The following CYTH3 variants were observed in gnomAD, a reference collection of about 807,000 sequenced individuals.
CYTH3 encodes the protein cytohesin 3, also known as cytohesin-3.
Under a neutral mutation model 55.1 loss-of-function variants are expected in CYTH3, and 23 were observed. That is an observed-to-expected ratio of 0.42 (90% CI 0.30 to 0.59). CYTH3 has a LOEUF of 0.59. CYTH3 is among the 20% of genes least tolerant of loss of function. The pLI, the probability that CYTH3 is intolerant of heterozygous loss-of-function variation, is 0.20. For missense variants in CYTH3, 413 were observed against 524.8 expected (o/e 0.79, Z 2.08); for synonymous variants, 249 against 194.9 (o/e 1.28, Z -2.31).
intron 1 of CYTH3, among the ~76,000 whole-genome samples, chr7:6,211,157 C>T (rs757937115): frequency 6.6e-6 from 1 of 152,204 alleles, no homozygotes; most frequent in Non-Finnish European, 1.5e-5. Flanking sequence ...GGCACCATCC[C>T]CTCCTGTGAA....
intron 9 of CYTH3, among the ~76,000 whole-genome samples, chr7:6,168,260 C>T (rs142660731): frequency 1.2e-4 from 18 of 145,166 alleles, no homozygotes; most frequent in African/African-American, 4.1e-4. Flanking sequence ...ATTCAAGACT[C>T]GAAGTCTTAA....
intron 1 of CYTH3, among the ~76,000 whole-genome samples, chr7:6,259,750 ATATATATTATAT>A (rs1168623226): frequency 8.4e-5 from 1 of 11,866 alleles, no homozygotes; most frequent in Non-Finnish European, 1.7e-4. Flanking sequence ...TATAATATAT[ATATATATTATAT>A]ATATATATAT....
intron 1 of CYTH3, among the ~76,000 whole-genome samples, chr7:6,193,929 C>T (rs1236520173): frequency 6.6e-6 from 1 of 152,146 alleles, no homozygotes; most frequent in Admixed American, 6.5e-5. Context: ...TCCTCTCCCA[C>T]CACCCTGGAC....
intron 1 of CYTH3, among the ~76,000 whole-genome samples, chr7:6,251,144 G>A (rs1046159553): frequency 3.9e-5 from 6 of 152,254 alleles, no homozygotes; most frequent in East Asian, 1.9e-4. Flanking sequence ...ACGTGGTGGC[G>A]GGCGCCTGTA....
At chr7:6,213,114 C>T (rs1341871786) in intron 1 of CYTH3, among the ~76,000 whole-genome samples, 1 of 152,184 alleles carries the variant, frequency 6.6e-6, no homozygotes, top group Non-Finnish European at 1.5e-5. Context: ...CAGGGTTCTT[C>T]CTTGTCTGGT....
At chr7:6,251,062 G>C (rs1413805623) in intron 1 of CYTH3, among the ~76,000 whole-genome samples, 1 of 152,170 alleles carries the variant, frequency 6.6e-6, no homozygotes, top group Non-Finnish European at 1.5e-5. Context: ...GTGGACTGAG[G>C]TCAGGAGTTC....
At chr7:6,206,209 C>G (rs750399335) in intron 1 of CYTH3, among the ~76,000 whole-genome samples, 1 of 152,060 alleles carries the variant, frequency 6.6e-6, no homozygotes, top group Non-Finnish European at 1.5e-5. Context: ...CCTAAATGTC[C>G]ATCAACAGAT....
chr7:6,259,799 AT>A lies in CYTH3; in HGVS notation c.34+12674del, dbSNP rs1414137738. On this transcript the variant is annotated intron_variant, in intron 1 of 12. Transcript: ENST00000350796. Reference sequence around the variant, plus strand: ...ATATATATATAATATATATATATATATATATATATATATAATATATATATAT... The same window carrying A: ...ATATATATATAATATATATATATATAATATATATATATAATATATATATAT... Among the ~76,000 whole-genome samples, 36 of 24,954 alleles carry A rather than the reference AT, an allele frequency of 1.4e-3. 1 individual carries two copies. The highest frequency in any genetic ancestry group is 4.4e-3 in the African/African-American group (8 of 1,822). 16.4% of individuals were successfully genotyped at this position (24,954 alleles called of 152,430 possible).
At position 6,164,633 on chromosome 7, in the gene CYTH3, A is replaced by C; in HGVS notation, c.*311T>G. The C allele has an allele frequency of 2.4e-6, 1 of 409,336 alleles. No individual in the cohort carries two copies. The highest frequency in any genetic ancestry group is 5.0e-5 in the East Asian group (1 of 20,084). The allele number at this position is 409,336 out of a possible 1,614,324, so 25.4% of individuals were successfully genotyped here. A position where few individuals can be genotyped will look rare whatever the true frequency, so the allele number is the denominator to read the frequency against. ...GGCTTCTCCCCCTAGGGGCGCCGGG[A>C]TGGTCGCAGGAAGGAAATGCTTCTG... On this transcript the variant is annotated 3_prime_UTR_variant, in exon 13 of 13. Coordinates refer to ENST00000350796, the MANE Select transcript of CYTH3 (RefSeq NM_004227.4).
chr7:6,190,407 A>G, intron 2 of CYTH3, 42 bp downstream of exon 2: 1 of 1,414,150 alleles, frequency 7.1e-7, no homozygotes, highest in East Asian at 2.8e-5. Flanking sequence ...CAAAAGCAAA[A>G]AACAGAGTTT....
Position 6,170,975 on chromosome 7 carries a change from G to A in CYTH3, c.566C>T (p.Thr189Met). The A allele has an allele frequency of 1.1e-5, 17 of 1,613,804 alleles. No individual in the cohort carries two copies. Among genetic ancestry groups the A allele is most frequent in the Non-Finnish European group, 1.4e-5 (17 of 1,179,918 alleles). ...GATGGCGAATGACAGCACGTAGCAC[G>A]TGTCTGCAACGAGTCCGGGGTGCTG... ...CNPGVFQSTD[T>M]CYVLSFAIIM... is the part of the protein sequence containing the mutation. The change falls in exon 8 of 13, where the codon ACG (threonine) becomes ATG (methionine). Residue 189 changes from threonine (T) to methionine (M), a missense_variant. Physicochemically the swap from Thr to Met is moderately conservative, Grantham distance 81. Coordinates refer to ENST00000350796, the MANE Select transcript of CYTH3 (RefSeq NM_004227.4). The surrounding 1 kb of genome is among the most constrained non-coding windows in gnomAD (Gnocchi z 7.8).
intron 1 of CYTH3, among the ~76,000 whole-genome samples, chr7:6,192,980 G>A (rs1783838292): frequency 6.6e-6 from 1 of 151,058 alleles, no homozygotes; most frequent in African/African-American, 2.4e-5. Flanking sequence ...GGACCAGTCT[G>A]GCCAACATAG....
chr7:6,245,770 A>G (rs1779797592), intron 1 of CYTH3, among the ~76,000 whole-genome samples: 2 of 152,192 alleles, frequency 1.3e-5, no homozygotes, highest in Admixed American at 1.3e-4. Flanking sequence ...CAGCCATGGT[A>G]GTGCACGCCT....
intron 1 of CYTH3, among the ~76,000 whole-genome samples, chr7:6,192,529 ATT>A (rs36036670): frequency 8.1e-5 from 9 of 111,306 alleles, no homozygotes; most frequent in African/African-American, 1.1e-4. Context: ...CCACAAGTCA[ATT>A]TTTTTTTTTT....
intron 1 of CYTH3, among the ~76,000 whole-genome samples, chr7:6,259,757 T>TATA (rs1554255069): frequency 5.3e-5 from 2 of 37,466 alleles, no homozygotes; most frequent in South Asian, 8.3e-4. Flanking sequence ...TATATATATA[T>TATA]TATATATATA....
At chr7:6,252,309 T>G (rs1779992563) in intron 1 of CYTH3, among the ~76,000 whole-genome samples, 1 of 152,240 alleles carries the variant, frequency 6.6e-6, no homozygotes, top group South Asian at 2.1e-4. Context: ...CGTTTAGTTC[T>G]CTGGGTTCTC....
At chr7:6,168,285 T>G (rs1268198096) in intron 9 of CYTH3, among the ~76,000 whole-genome samples, 1 of 150,550 alleles carries the variant, frequency 6.6e-6, no homozygotes, top group Non-Finnish European at 1.5e-5. Context: ...CCAACAATCG[T>G]AAGCCACGCC....
Position 6,187,531 on chromosome 7 carries a change from G to C in CYTH3, c.182+126C>G, listed in dbSNP as rs975342195. The C allele has an allele frequency of 4.2e-5, 35 of 831,384 alleles. No individual in the cohort carries two copies. The East Asian group carries it at 8.7e-4, about 21-fold the overall frequency. 51.5% of individuals were successfully genotyped at this position (831,384 alleles called of 1,614,324 possible). Reference sequence around the variant, plus strand: ...CACGCAGAGTAGGGGGAGAGGAGAGGAATTAACAACTCCACAGGCTCCCCA... The same window carrying C: ...CACGCAGAGTAGGGGGAGAGGAGAGCAATTAACAACTCCACAGGCTCCCCA... On this transcript the variant is annotated intron_variant, in intron 3 of 12. Coordinates refer to ENST00000350796, the MANE Select transcript of CYTH3 (RefSeq NM_004227.4).
At chr7:6,221,500 G>A (rs772858540) in intron 1 of CYTH3, among the ~76,000 whole-genome samples, 11 of 152,058 alleles carry the variant, frequency 7.2e-5, no homozygotes, top group South Asian at 2.1e-4. Context: ...TGATTGCAGC[G>A]GTGGCTACAT....
Sources: gnomAD v4.1 joint callset for allele counts (sites outside exome capture counted in the v4.1 genomes callset) on GRCh38, gnomAD v4.1.1 for gene constraint, Gnocchi (gnomAD v3.1) non-coding constraint, MANE v1.5 for transcripts, NCBI Gene and HGNC (gene_info 2026-07-23, HGNC 2026-07-21) for gene names.